ROBO2: variants seen among roughly 807,000 people sequenced by gnomAD.
ROBO2 encodes the protein roundabout guidance receptor 2, also known as roundabout homolog 2.
In ROBO2, 53 loss-of-function variants were observed where a neutral mutation model predicts 160.8. That is an observed-to-expected ratio of 0.33 (90% CI 0.26 to 0.41). The LOEUF (loss-of-function observed/expected upper bound fraction) is 0.41, where lower values mean the gene tolerates loss of function less well. Ranked by LOEUF, ROBO2 falls within the 10% of genes least tolerant of loss-of-function variation. The probability of loss-of-function intolerance (pLI) is 1.00; values close to 1 mark genes in which losing one functional copy is unlikely to be tolerated. For synonymous variants in ROBO2, 664 were observed against 611.7 expected (o/e 1.09, Z -1.26); for missense variants, 1,577 against 1,722.4 (o/e 0.92, Z 1.49).
intron 2 of ROBO2, among the ~76,000 whole-genome samples, chr3:76,205,199 T>C (rs1160392695): frequency 6.6e-6 from 1 of 152,160 alleles, no homozygotes; most frequent in East Asian, 1.9e-4. Flanking sequence ...GACAAAGTCT[T>C]ATAAAGTTCC....
intron 2 of ROBO2, among the ~76,000 whole-genome samples, chr3:77,214,983 C>A (rs940075590): frequency 6.6e-6 from 1 of 152,090 alleles, no homozygotes; most frequent in Non-Finnish European, 1.5e-5. Context: ...TTGTGGGTAA[C>A]CCGACCTTTC....
At chr3:75,929,894 C>T (rs560307636) in intron 1 of ROBO2, among the ~76,000 whole-genome samples, 4 of 152,248 alleles carry the variant, frequency 2.6e-5, no homozygotes, top group African/African-American at 9.6e-5. Flanking sequence ...TGGGTTTCAC[C>T]ATGTTGGCCA....
intron 2 of ROBO2, among the ~76,000 whole-genome samples, chr3:76,260,696 TAATG>T (rs1184458507): frequency 6.6e-6 from 1 of 152,130 alleles, no homozygotes; most frequent in African/African-American, 2.4e-5. Context: ...ATTCATTAAT[TAATG>T]AATGAACCAG....
chr3:77,532,108 G>A (rs79959704), intron 6 of ROBO2, among the ~76,000 whole-genome samples: 6,399 of 152,082 alleles, frequency 0.042, 429 homozygotes, highest in African/African-American at 0.14. Context: ...AAACACAAGC[G>A]CGGGTTACTT....
intron 2 of ROBO2, among the ~76,000 whole-genome samples, chr3:76,859,728 C>A (rs1381895193): frequency 6.6e-6 from 1 of 152,214 alleles, no homozygotes; most frequent in Non-Finnish European, 1.5e-5. Flanking sequence ...TCCCACCCAG[C>A]TGGTGGTGGC....
intron 2 of ROBO2, among the ~76,000 whole-genome samples, chr3:76,156,284 T>C (rs1158858202): frequency 3.9e-5 from 6 of 152,228 alleles, no homozygotes; most frequent in African/African-American, 1.4e-4. Flanking sequence ...ATTTCTTCTA[T>C]GTGCTTAAAG....
chr3:77,506,235 C>G (rs1399207605), intron 5 of ROBO2, among the ~76,000 whole-genome samples: 1 of 152,112 alleles, frequency 6.6e-6, no homozygotes, highest in African/African-American at 2.4e-5. Context: ...CTTGAACAAA[C>G]TCATACAGAG....
At chr3:76,919,736 T>G (rs1425269655) in intron 2 of ROBO2, among the ~76,000 whole-genome samples, 1 of 152,188 alleles carries the variant, frequency 6.6e-6, no homozygotes, top group Non-Finnish European at 1.5e-5. Flanking sequence ...ATTTTTACTT[T>G]TAAGCCTGTG....
rs564148462 is a variant in ROBO2 at position 77,419,096 on chromosome 3, T to C, written c.389-58318T>C. ...CAGGCCTACTCTTGAAAAATAATAGTTTCTCACTATTGTTTCAATTTATTT... is the reference window on the plus strand; with the variant it reads ...CAGGCCTACTCTTGAAAAATAATAGCTTCTCACTATTGTTTCAATTTATTT... On this transcript the variant is annotated intron_variant, in intron 2 of 25. Transcript: ENST00000461745. 3.4e-4 allele frequency among the ~76,000 whole-genome samples: 51 copies of C among 152,204 alleles called. 2 individuals are homozygous for C. The South Asian group carries it at 0.01, about 31-fold the overall frequency.
At chr3:76,014,913 G>A (rs763066653) in intron 2 of ROBO2, among the ~76,000 whole-genome samples, 4 of 152,176 alleles carry the variant, frequency 2.6e-5, no homozygotes, top group Non-Finnish European at 5.9e-5. Context: ...GAACCACAGA[G>A]TGAGACCCTG....
chr3:77,605,871 A>T (rs1205270885), intron 20 of ROBO2, among the ~76,000 whole-genome samples: 1 of 152,028 alleles, frequency 6.6e-6, no homozygotes, highest in Non-Finnish European at 1.5e-5. Flanking sequence ...AACGAAAAGC[A>T]CTCTCTCTAT....
At chr3:75,972,287 T>A (rs1374834052) in intron 2 of ROBO2, among the ~76,000 whole-genome samples, 1 of 151,662 alleles carries the variant, frequency 6.6e-6, no homozygotes, top group African/African-American at 2.4e-5. Context: ...GTATACTTGA[T>A]TGTTATGGGA....
chr3:76,053,458 C>T (rs1313104265), intron 2 of ROBO2, among the ~76,000 whole-genome samples: 1 of 151,882 alleles, frequency 6.6e-6, no homozygotes, highest in Non-Finnish European at 1.5e-5. Context: ...AAAGGTAGTT[C>T]ATTAATAAGC....
intron 2 of ROBO2, among the ~76,000 whole-genome samples, chr3:77,189,904 A>G (rs2081660393): frequency 6.6e-6 from 1 of 151,858 alleles, no homozygotes; most frequent in Non-Finnish European, 1.5e-5. Context: ...TAAGGAGTTC[A>G]AGGTTTCCCA....
chr3:76,914,866 T>C (rs1013774571), intron 2 of ROBO2, among the ~76,000 whole-genome samples: 1 of 152,102 alleles, frequency 6.6e-6, no homozygotes, highest in East Asian at 1.9e-4. Flanking sequence ...GACAGGGTGT[T>C]CTAAGAAGTC....
chr3:76,001,348 A>G (rs555403308), intron 2 of ROBO2, among the ~76,000 whole-genome samples: 1 of 152,220 alleles, frequency 6.6e-6, no homozygotes, highest in Admixed American at 6.5e-5. Context: ...TAGTGTTATT[A>G]TTGTTGTTAC....
At chr3:75,921,328 C>G (rs1313252604) in intron 1 of ROBO2, among the ~76,000 whole-genome samples, 2 of 149,676 alleles carry the variant, frequency 1.3e-5, no homozygotes, top group Admixed American at 1.4e-4. Context: ...GTATGTACAT[C>G]ATGAAAACAA....
At chr3:77,395,070 T>A (rs2075135802) in intron 2 of ROBO2, among the ~76,000 whole-genome samples, 1 of 152,162 alleles carries the variant, frequency 6.6e-6, no homozygotes, top group African/African-American at 2.4e-5. Flanking sequence ...GAATTTTATT[T>A]GTATAGATGC....
chr3:76,364,235 G>C (rs1306343135), intron 2 of ROBO2, among the ~76,000 whole-genome samples: 1 of 151,946 alleles, frequency 6.6e-6, no homozygotes, highest in African/African-American at 2.4e-5. Context: ...TGACACTCCA[G>C]GAATACCTTC....
Sources: allele counts gnomAD v4.1 joint callset (sites outside exome capture counted in the v4.1 genomes callset), GRCh38; gene constraint gnomAD v4.1.1; transcripts MANE v1.5; gene names NCBI Gene and HGNC (gene_info 2026-07-23, HGNC 2026-07-21).